Variants in VPS54 observed in about 807,000 individuals in gnomAD.
VPS54 encodes vacuolar protein sorting-associated protein 54.
A neutral mutation model predicts 121.5 loss-of-function variants in VPS54; 45 were observed. That is an observed-to-expected ratio of 0.37 (90% confidence interval 0.29 to 0.47). The LOEUF (loss-of-function observed/expected upper bound fraction) is 0.47, where lower values mean the gene tolerates loss of function less well. Ranked by LOEUF, VPS54 falls within the 20% of genes least tolerant of loss-of-function variation. The pLI is 0.99. For synonymous variants in VPS54, 371 were observed against 385.8 expected, an observed-to-expected ratio of 0.96 and a Z score of 0.45; for missense variants, 1,090 against 1,131.4, an observed-to-expected ratio of 0.96 and a Z score of 0.52.
At chr2:63,939,370 C>CAA (rs112319443) in intron 11 of VPS54, among the ~76,000 whole-genome samples, 1 of 147,174 alleles carries the variant, frequency 6.8e-6, no homozygotes, top group African/African-American at 2.5e-5. Flanking sequence ...AACTCTACCT[C>CAA]AAAAAAAAAC....
At chr2:63,912,811 A>G (rs1038514150) in intron 18 of VPS54, 150 bp from the exon 19 acceptor site, 7 of 982,068 alleles carry the variant, frequency 7.1e-6, no homozygotes, top group African/African-American at 1.7e-5. Flanking sequence ...AGAAGGCAAC[A>G]TATTTCATTT....
chr2:63,944,555 T>A (rs1674889035), intron 10 of VPS54, 45 bp downstream of exon 10: 1 of 1,512,522 alleles, frequency 6.6e-7, no homozygotes, highest in East Asian at 2.3e-5. Context: ...ACATCTATCA[T>A]CTTTTCTCTG....
At chr2:63,895,290 C>T (rs1457840467) in intron 22 of VPS54, among the ~76,000 whole-genome samples, 1 of 152,094 alleles carries the variant, frequency 6.6e-6, no homozygotes, top group East Asian at 1.9e-4. Context: ...ACCGTCTCTA[C>T]TAAAAATACA....
chr2:63,959,893 C>CA (rs1559022397), intron 7 of VPS54, among the ~76,000 whole-genome samples: 1 of 151,960 alleles, frequency 6.6e-6, no homozygotes, highest in African/African-American at 2.4e-5. Context: ...CAGTGGCGGG[C>CA]ACCTGTAATC....
chr2:63,938,059 G>GGTGTGTGT (rs1553475195), intron 11 of VPS54, among the ~76,000 whole-genome samples: 4,413 of 140,404 alleles, frequency 0.031, 95 homozygotes, highest in Non-Finnish European at 0.047. Flanking sequence ...TGGTGTGTGT[G>GGTGTGTGT]GTGTGTGTGT....
intron 7 of VPS54, among the ~76,000 whole-genome samples, chr2:63,958,475 G>C (rs892081642): frequency 6.6e-6 from 1 of 152,150 alleles, no homozygotes; most frequent in African/African-American, 2.4e-5. Flanking sequence ...TTTAACTACT[G>C]GAAAATTGTG....
chr2:63,992,105 C>T (rs1029613103), intron 1 of VPS54, among the ~76,000 whole-genome samples: 2 of 152,166 alleles, frequency 1.3e-5, no homozygotes, highest in Non-Finnish European at 2.9e-5. Flanking sequence ...TTAAACTAAT[C>T]GTGTCTGCCA....
rs537900410 is a variant in VPS54 at position 63,906,233 on chromosome 2, G to C, written c.2625+6112C>G. ...GGTATACAGATTGAAAAAGATGCAAGATTCTATTTGCAGACAACATGAGTG... is the reference window on the plus strand; with the variant it reads ...GGTATACAGATTGAAAAAGATGCAACATTCTATTTGCAGACAACATGAGTG... On this transcript the variant is annotated intron_variant, in intron 20 of 22. Transcript: ENST00000272322. 4.4e-4 allele frequency among the ~76,000 whole-genome samples: 67 copies of C among 152,268 alleles called. No homozygotes were observed. In the South Asian group the frequency reaches 0.013, roughly 30 times the overall value.
intron 1 of VPS54, among the ~76,000 whole-genome samples, chr2:63,989,994 G>C (rs934936403): frequency 1.3e-5 from 2 of 152,236 alleles, no homozygotes; most frequent in African/African-American, 4.8e-5. Flanking sequence ...TCGTGTTGGT[G>C]CAACATTCCA....
intron 20 of VPS54, among the ~76,000 whole-genome samples, chr2:63,902,983 C>CATAACATAACAT (rs1672748734): frequency 7.1e-6 from 1 of 141,378 alleles, no homozygotes; most frequent in Non-Finnish European, 1.5e-5. Flanking sequence ...AACATAACAA[C>CATAACATAACAT]ATAACATAAC....
intron 11 of VPS54, among the ~76,000 whole-genome samples, chr2:63,937,769 GC>G (rs1473123987): frequency 6.6e-6 from 1 of 152,142 alleles, no homozygotes; most frequent in Non-Finnish European, 1.5e-5. Flanking sequence ...GAATGGATAA[GC>G]AAAATGTAGT....
chr2:63,970,567 A>G (rs1042323321), intron 4 of VPS54, among the ~76,000 whole-genome samples: 1 of 152,154 alleles, frequency 6.6e-6, no homozygotes, highest in Non-Finnish European at 1.5e-5. Context: ...TAAATGCTCT[A>G]AGATCTCCTG....
At position 63,914,211 on chromosome 2, in the gene VPS54, T is replaced by C. The variant is rs1429166893; in HGVS notation, c.2305A>G (p.Met769Val). Residue 769 changes from methionine to valine, a missense_variant, in exon 17 of 23, where the codon ATG becomes GTG. Around this residue, in one of 2 missense-constraint regions of VPS54, gnomAD observed 289 missense variants for 374.4 expected, o/e 0.77. Coordinates refer to ENST00000272322, the MANE Select transcript of VPS54 (RefSeq NM_016516.3). ...AATAAATCTGACAGACGAGTAAGCA[T>C]GTCAGTAGTAACAGATGGGATGTTA... ...VDNIPSVTTD[M>V]LTRLSDLLKY... The C allele has an allele frequency of 1.9e-6, 3 of 1,613,672 alleles. No individual in the cohort carries two copies. Among genetic ancestry groups the C allele is most frequent in the Non-Finnish European group, 2.5e-6 (3 of 1,179,720 alleles).
intron 7 of VPS54, among the ~76,000 whole-genome samples, chr2:63,952,746 A>C (rs1307773946): frequency 2.6e-5 from 4 of 152,202 alleles, no homozygotes; most frequent in Admixed American, 6.5e-5. Context: ...CAGTAGACTA[A>C]TTTAGAATAT....
rs764515091 is a variant in VPS54, at chr2:64,005,089, C to CTTTTTTTTTTTTTTTTTTT, written c.-21+13830_-21+13848dup. On this transcript the variant is annotated intron_variant, in intron 1 of 22. Coordinates refer to ENST00000272322, the MANE Select transcript of VPS54 (RefSeq NM_016516.3). ...TACCATGCCCAGTCTACTATTGCTT[C>CTTTTTTTTTTTTTTTTTTT]TTTTTTTTTTTTTTTTTTTTTTTTT... Among the ~76,000 whole-genome samples, 8 of 44,130 alleles carry CTTTTTTTTTTTTTTTTTTT rather than the reference C, an allele frequency of 1.8e-4. 3 individuals are homozygous for CTTTTTTTTTTTTTTTTTTT. The highest frequency in any genetic ancestry group is 5.7e-4 in the African/African-American group (6 of 10,540). The allele number at this position is 44,130 out of a possible 152,430, so 29.0% of individuals were successfully genotyped here.
chr2:63,948,830 G>A (rs889343965), intron 8 of VPS54, among the ~76,000 whole-genome samples: 1 of 152,112 alleles, frequency 6.6e-6, no homozygotes, highest in African/African-American at 2.4e-5. Context: ...TTCTAATTAA[G>A]CTATACAATT....
rs1410136304 is a variant in VPS54, at chr2:63,983,571, T to C, written c.136+293A>G. Among the ~76,000 whole-genome samples the C allele has an allele frequency of 3.3e-5, 5 of 150,320 alleles. No individual in the cohort carries two copies. In the South Asian group the frequency reaches 8.4e-4, roughly 25 times the overall value. ...CATTCTCCTGCCTCAGCCTCCAGAG[T>C]AGCTGAGACTACAGGCGCCTGCCAC... On this transcript the variant is annotated intron_variant, in intron 2 of 22. Transcript: ENST00000272322.
chr2:63,944,608 A>T lies in VPS54; in HGVS notation c.1293T>A (p.Val431=). The part of the protein sequence containing the change: ...VSQTEEIDTD[V]VVKLADQMRM... The stretch of plus-strand genomic sequence containing the variant: ...TATATATTTATACTTACTTCACAAC[A>T]ACATCTGTGTCTATTTCTTCTGTTT... The change falls in exon 10 of 23, where the codon GTT becomes GTA. Residue 431 remains valine (V), a synonymous_variant. Transcript: ENST00000272322. 6.2e-7 allele frequency: 1 copy of T among 1,610,164 alleles called. No homozygotes were observed. The highest frequency in any genetic ancestry group is 1.7e-5 in the Admixed American group (1 of 59,540).
chr2:63,969,569 C>T (rs1313931225), intron 4 of VPS54, among the ~76,000 whole-genome samples: 2 of 151,938 alleles, frequency 1.3e-5, no homozygotes, highest in African/African-American at 4.8e-5. Flanking sequence ...ATCTAGTTCC[C>T]GGAAAATAAG....
Sources: gnomAD v4.1 joint callset for allele counts (sites outside exome capture counted in the v4.1 genomes callset) on GRCh38, gnomAD v4.1.1 for gene constraint, gnomAD v4.1.1 regional missense constraint, MANE v1.5 for transcripts, NCBI Gene and HGNC (gene_info 2026-07-23, HGNC 2026-07-21) for gene names.